CEP128: variants seen among roughly 807,000 people sequenced by gnomAD.
The protein encoded by CEP128 is centrosomal protein 128kDa.
A neutral mutation model predicts 156.7 loss-of-function variants in CEP128; 132 were observed. The ratio of observed to expected loss-of-function variants is 0.84; its 90% confidence interval spans 0.73 to 0.97. CEP128 has a LOEUF of 0.97. Ranked by LOEUF, CEP128 falls within the 50% of genes least tolerant of loss-of-function variation. CEP128 has a pLI of 0.00. For missense variants in CEP128, 1,252 were observed against 1,281.9 expected, an observed-to-expected ratio of 0.98 and a Z score of 0.36; for synonymous variants, 469 against 448.9, an observed-to-expected ratio of 1.04 and a Z score of -0.57.
At chr14:80,663,638 G>A (rs750268714) in intron 19 of CEP128, among the ~76,000 whole-genome samples, 10 of 152,146 alleles carry the variant, frequency 6.6e-5, no homozygotes, top group Non-Finnish European at 8.8e-5. Context: ...TTCTCTGTGC[G>A]AGGCACTACC....
At chr14:80,735,700 A>G (rs1482783516) in intron 19 of CEP128, among the ~76,000 whole-genome samples, 2 of 152,202 alleles carry the variant, frequency 1.3e-5, no homozygotes, top group African/African-American at 2.4e-5. Context: ...TAGAAGTTCA[A>G]TACGTCTTAC....
chr14:80,826,876 G>A (rs983018494), intron 13 of CEP128, among the ~76,000 whole-genome samples: 1 of 152,016 alleles, frequency 6.6e-6, no homozygotes, highest in Non-Finnish European at 1.5e-5. Context: ...AACTGATCAA[G>A]GATGCTTAGA....
intron 19 of CEP128, among the ~76,000 whole-genome samples, chr14:80,722,952 A>G (rs912314719): frequency 4.7e-5 from 7 of 149,756 alleles, no homozygotes; most frequent in South Asian, 2.1e-4. Context: ...TCAGCCTCCC[A>G]AGTAGCTGGG....
At chr14:80,679,382 A>T (rs769366758) in intron 19 of CEP128, among the ~76,000 whole-genome samples, 4 of 152,156 alleles carry the variant, frequency 2.6e-5, no homozygotes, top group Non-Finnish European at 5.9e-5. Context: ...GAATATTAAT[A>T]TTTAATACCC....
In CEP128 at chr14:80,955,726, C is replaced by A. The variant is rs778660440; in HGVS notation, c.-172+2452G>T. 1.1e-5 allele frequency: 18 copies of A among 1,614,172 alleles called. No homozygotes were observed. The South Asian group carries it at 2.0e-4, about 18-fold the overall frequency. On this transcript the variant is annotated intron_variant, in intron 2 of 7. Transcript: ENST00000555529. ...GCAGCTGGTGCTGCTGCTCGACCTGCCCAGGGACCTGGGCGGAATGGGGTG... is the reference window on the plus strand; with the variant it reads ...GCAGCTGGTGCTGCTGCTCGACCTGACCAGGGACCTGGGCGGAATGGGGTG...
chr14:80,876,025 G>T (rs1338301518), intron 8 of CEP128, among the ~76,000 whole-genome samples: 1 of 152,022 alleles, frequency 6.6e-6, no homozygotes, highest in Admixed American at 6.6e-5. Flanking sequence ...AAGAAAGAAA[G>T]AAGAAAGAAT....
Position 80,908,487 on chromosome 14 carries a change from T to C in CEP128, c.235-2406A>G, listed in dbSNP as rs983841126. On this transcript the variant is annotated intron_variant, in intron 4 of 24. Transcript: ENST00000555265. ...GTTCACTCTATTCATTCAAGGTCAGTTGGTTATTTATTTATCTTATTTTTC... is the reference window on the plus strand; with the variant it reads ...GTTCACTCTATTCATTCAAGGTCAGCTGGTTATTTATTTATCTTATTTTTC... 1.8e-4 allele frequency among the ~76,000 whole-genome samples: 27 copies of C among 152,288 alleles called. 1 individual carries two copies. Among genetic ancestry groups the C allele is most frequent in the Admixed American group, 1.4e-3 (22 of 15,300 alleles).
intron 19 of CEP128, among the ~76,000 whole-genome samples, chr14:80,669,971 T>A (rs955227801): frequency 6.6e-6 from 1 of 152,090 alleles, no homozygotes; most frequent in Non-Finnish European, 1.5e-5. Context: ...AAGCTTCTAA[T>A]CATGACATAA....
At chr14:80,676,242 G>A (rs1264400897) in intron 19 of CEP128, among the ~76,000 whole-genome samples, 1 of 151,864 alleles carries the variant, frequency 6.6e-6, no homozygotes, top group Non-Finnish European at 1.5e-5. Context: ...AAATATTTCA[G>A]TAAAGTTTTG....
chr14:80,729,061 GTGTGTGTGTGTGTGTGTGTGTGTGTGT>G (rs1898148806), intron 19 of CEP128, among the ~76,000 whole-genome samples: 1 of 26,236 alleles, frequency 3.8e-5, no homozygotes, highest in African/African-American at 1.5e-4. Context: ...TGGTGGGGGT[GTGTGTGTGTGTGTGTGTGTGTGTGTGT>G]GTGTGTGTGT....
At chr14:80,619,042 T>A (rs1286609667) in intron 19 of CEP128, among the ~76,000 whole-genome samples, 10 of 152,198 alleles carry the variant, frequency 6.6e-5, no homozygotes, top group African/African-American at 2.2e-4. Context: ...TGTGTACTGG[T>A]TAAGTGTAAA....
chr14:80,955,897 T>C, intron 2 of CEP128: 1 of 1,613,216 alleles, frequency 6.2e-7, no homozygotes, highest in East Asian at 2.2e-5. Context: ...ATCAAGGGCA[T>C]CTGCAGAGGT....
At chr14:80,729,381 C>CATATAT (rs10680290) in intron 19 of CEP128, among the ~76,000 whole-genome samples, 24 of 150,846 alleles carry the variant, frequency 1.6e-4, no homozygotes, top group African/African-American at 5.1e-4. Flanking sequence ...CTATGGTATA[C>CATATAT]ATATATATAT....
chr14:80,652,733 T>C (rs1894959674), intron 19 of CEP128, among the ~76,000 whole-genome samples: 1 of 152,170 alleles, frequency 6.6e-6, no homozygotes, highest in Non-Finnish European at 1.5e-5. Context: ...GCTTTTACAA[T>C]GTTGGTGGGA....
At chr14:80,669,328 T>G (rs1468016039) in intron 19 of CEP128, among the ~76,000 whole-genome samples, 1 of 152,122 alleles carries the variant, frequency 6.6e-6, no homozygotes, top group African/African-American at 2.4e-5. Flanking sequence ...GGGACTTAAT[T>G]TATAAGCTTC....
chr14:80,836,166 C>A (rs778884024), intron 12 of CEP128, 39 bp downstream of exon 12: 1 of 1,599,306 alleles, frequency 6.3e-7, no homozygotes, highest in Admixed American at 1.7e-5. Flanking sequence ...AAAGCCCCCA[C>A]ACACATTATC....
chr14:80,736,012 T>C (rs1898509896), intron 19 of CEP128, among the ~76,000 whole-genome samples: 1 of 152,192 alleles, frequency 6.6e-6, no homozygotes, highest in Non-Finnish European at 1.5e-5. Flanking sequence ...TAAGGTAACA[T>C]ATTCACAGAT....
At chr14:80,857,756 C>CAAAAAAAAAAAAAAAAAAAAAAAAAAAAA (rs1194054284) in intron 9 of CEP128, among the ~76,000 whole-genome samples, 1 of 123,392 alleles carries the variant, frequency 8.1e-6, no homozygotes. Flanking sequence ...ACAACAACAA[C>CAAAAAAAAAAAAAAAAAAAAAAAAAAAAA]AACAACAACA....
chr14:80,748,068 C>A (rs78781540), intron 18 of CEP128, among the ~76,000 whole-genome samples: 7 of 152,224 alleles, frequency 4.6e-5, no homozygotes, highest in African/African-American at 1.7e-4. Context: ...GAGAGTAAGT[C>A]AAGGCAGAAA....
Sources: gnomAD v4.1 joint callset for allele counts (sites outside exome capture counted in the v4.1 genomes callset) on GRCh38, gnomAD v4.1.1 for gene constraint, MANE v1.5 for transcripts, NCBI Gene and HGNC (gene_info 2026-07-23, HGNC 2026-07-21) for gene names.